FRYL: variants seen among roughly 807,000 people sequenced by gnomAD.
FRYL encodes protein furry homolog-like.
FRYL carries 150 observed loss-of-function variants against 351.2 expected under a neutral mutation model. That is an observed-to-expected ratio of 0.43 (90% CI 0.37 to 0.49). The LOEUF is 0.49. Among genes scored for constraint, FRYL ranks in the 20% least tolerant of loss-of-function variants. The probability of loss-of-function intolerance (pLI) is 0.00; values close to 1 mark genes in which losing one functional copy is unlikely to be tolerated. For synonymous variants in FRYL, 1,153 were observed against 1,257.1 expected (o/e 0.92, Z 1.75); for missense variants, 3,036 against 3,619.3 (o/e 0.84, Z 4.13).
intron 1 of FRYL, among the ~76,000 whole-genome samples, chr4:48,749,601 T>C (rs1452188586): frequency 6.6e-6 from 1 of 152,088 alleles, no homozygotes; most frequent in Non-Finnish European, 1.5e-5. Flanking sequence ...GCCATGTTAG[T>C]GATATACCCA....
At chr4:48,547,563 T>C (rs371679008) in intron 41 of FRYL, 21 bp downstream of exon 41, 89 of 1,395,200 alleles carry the variant, frequency 6.4e-5, no homozygotes, top group Non-Finnish European at 7.6e-5. Context: ...TACTTTCAAA[T>C]TGTACATTTA....
chr4:48,696,161 G>A (rs1560872455), intron 2 of FRYL, among the ~76,000 whole-genome samples: 2 of 152,108 alleles, frequency 1.3e-5, no homozygotes, highest in East Asian at 3.9e-4. Context: ...ATTTGATCCA[G>A]CAATCCCATT....
At position 48,589,837 on chromosome 4, in the gene FRYL, A is replaced by G. The variant is rs770781210; in HGVS notation, c.1548T>C (p.Asp516=). 6 of 1,613,694 alleles carry G rather than the reference A, an allele frequency of 3.7e-6. No individual in the cohort carries two copies. Among genetic ancestry groups the G allele is most frequent in the South Asian group, 1.1e-5 (1 of 91,082 alleles). The part of the protein sequence containing the change: ...VYYPQVRKAL[D]SILRHLDKEV... ...CTTTGTCCAAATGTCTGAGGATGCT[A>G]TCTAATGCTTTTCTTACTTGAGGAT... The change falls in exon 18 of 64, where the codon GAT becomes GAC. Residue 516 remains aspartate (D), a synonymous_variant. Coordinates refer to ENST00000358350, the MANE Select transcript of FRYL (RefSeq NM_015030.2).
chr4:48,776,091 T>C (rs1775985418), intron 1 of FRYL, among the ~76,000 whole-genome samples: 1 of 148,268 alleles, frequency 6.7e-6, no homozygotes, highest in African/African-American at 2.5e-5. Flanking sequence ...CCTGAAAGAA[T>C]AAACAACCAC....
Position 48,547,567 on chromosome 4 carries a change from A to G in FRYL, c.5074+17T>C, listed in dbSNP as rs1731634162. On this transcript the variant is annotated intron_variant, in intron 41 of 63. Transcript: ENST00000358350. ...AAGTATAATTCTACTTTCAAATTGT[A>G]CATTTAAAGCAAATACCTGTGAAAT... 7.1e-7 allele frequency: 1 copy of G among 1,418,194 alleles called. No individual in the cohort carries two copies. The highest frequency in any genetic ancestry group is 9.6e-7 in the Non-Finnish European group (1 of 1,044,366). 87.9% of individuals were successfully genotyped at this position (1,418,194 alleles called of 1,614,324 possible). A position where few individuals can be genotyped will look rare whatever the true frequency, so the allele number is the denominator to read the frequency against.
At chr4:48,632,621 T>C (rs1229115150) in intron 4 of FRYL, among the ~76,000 whole-genome samples, 1 of 151,578 alleles carries the variant, frequency 6.6e-6, no homozygotes, top group Admixed American at 6.6e-5. Context: ...TACATTAGTA[T>C]AAAAATCAAT....
At chr4:48,738,638 C>G (rs994501104) in intron 1 of FRYL, among the ~76,000 whole-genome samples, 1 of 150,196 alleles carries the variant, frequency 6.7e-6, no homozygotes, top group Non-Finnish European at 1.5e-5. Flanking sequence ...GTTGGGACTA[C>G]AGGAATATGC....
At chr4:48,757,298 T>C (rs1422351551) in intron 1 of FRYL, among the ~76,000 whole-genome samples, 1 of 152,150 alleles carries the variant, frequency 6.6e-6, no homozygotes, top group Non-Finnish European at 1.5e-5. Context: ...GGAAGTCAAA[T>C]TGTCCCTGTT....
chr4:48,542,445 C>T (rs1477298634), intron 44 of FRYL, among the ~76,000 whole-genome samples: 1 of 152,220 alleles, frequency 6.6e-6, no homozygotes, highest in Non-Finnish European at 1.5e-5. Context: ...GAGACGTAGT[C>T]TTGCTCTATT....
chr4:48,730,018 C>A (rs189577168), intron 1 of FRYL, among the ~76,000 whole-genome samples: 71 of 152,160 alleles, frequency 4.7e-4, no homozygotes, highest in Non-Finnish European at 9.0e-4. Context: ...ATTAGAATAA[C>A]CAGTGTAGAG....
At chr4:48,721,933 C>T (rs1184186746) in intron 1 of FRYL, among the ~76,000 whole-genome samples, 3 of 152,186 alleles carry the variant, frequency 2.0e-5, no homozygotes, top group South Asian at 2.1e-4. Context: ...AGCCACTGCA[C>T]CCAGCCCATA....
chr4:48,722,826 C>A (rs1769640879), intron 1 of FRYL, among the ~76,000 whole-genome samples: 1 of 152,068 alleles, frequency 6.6e-6, no homozygotes, highest in Non-Finnish European at 1.5e-5. Context: ...AGATAAAAAT[C>A]ATCATGATAC....
At chr4:48,640,784 T>TA (rs1414733096) in intron 3 of FRYL, among the ~76,000 whole-genome samples, 1 of 152,054 alleles carries the variant, frequency 6.6e-6, no homozygotes, top group African/African-American at 2.4e-5. Flanking sequence ...GAAATTATGC[T>TA]AAAAAATAAA....
At chr4:48,656,248 A>AAT (rs1357981495) in intron 3 of FRYL, among the ~76,000 whole-genome samples, 10 of 78,288 alleles carry the variant, frequency 1.3e-4, no homozygotes, top group African/African-American at 5.1e-4. Context: ...ATATATTATG[A>AAT]ATATATATTT....
At chr4:48,750,956 T>C (rs774318746) in intron 1 of FRYL, among the ~76,000 whole-genome samples, 4 of 152,086 alleles carry the variant, frequency 2.6e-5, no homozygotes, top group Non-Finnish European at 4.4e-5. Flanking sequence ...GAACCAATCA[T>C]TGGCAAGGGG....
intron 1 of FRYL, among the ~76,000 whole-genome samples, chr4:48,749,213 C>T (rs190430521): frequency 1.1e-4 from 17 of 152,294 alleles, no homozygotes; most frequent in Non-Finnish European, 4.4e-5. Flanking sequence ...AGAATCACTC[C>T]GGCTACTGAA....
intron 1 of FRYL, among the ~76,000 whole-genome samples, chr4:48,726,659 G>A (rs985455524): frequency 3.9e-5 from 6 of 152,150 alleles, no homozygotes; most frequent in African/African-American, 1.4e-4. Context: ...TCCAGTCTGG[G>A]CGACAGAGCG....
Position 48,606,544 on chromosome 4 carries a change from C to A in FRYL, c.635G>T (p.Ser212Ile). ...GATGACACTTTGTACCACATGTGGG[C>A]TTTGTTCCTTTTGTCGCAGTTCTTT... is the stretch of plus-strand genomic sequence containing the variant. ...ELKELRQKEQ[S>I]PHVVQSVISL... Residue 212 changes from serine (S) to isoleucine (I), a missense_variant, in exon 10 of 64, where the codon AGC becomes ATC. Coordinates refer to ENST00000358350, the MANE Select transcript of FRYL (RefSeq NM_015030.2). 15 of 1,613,090 alleles carry A rather than the reference C, an allele frequency of 9.3e-6. No homozygotes were observed. The highest frequency in any genetic ancestry group is 1.3e-5 in the Non-Finnish European group (15 of 1,179,284).
chr4:48,761,444 T>C (rs1774411769), intron 1 of FRYL, among the ~76,000 whole-genome samples: 1 of 152,188 alleles, frequency 6.6e-6, no homozygotes, highest in South Asian at 2.1e-4. Flanking sequence ...TACTCATGTG[T>C]CTGAGGTAAT....
Sources: gnomAD v4.1 joint callset for allele counts (sites outside exome capture counted in the v4.1 genomes callset) on GRCh38, gnomAD v4.1.1 for gene constraint, MANE v1.5 for transcripts, NCBI Gene and HGNC (gene_info 2026-07-23, HGNC 2026-07-21) for gene names.